TNFRSF19: variants seen among roughly 807,000 people sequenced by gnomAD.
TNFRSF19 encodes the protein tumor necrosis factor receptor superfamily member 19.
A neutral mutation model predicts 46.4 loss-of-function variants in TNFRSF19; 27 were observed. The ratio of observed to expected loss-of-function variants is 0.58; its 90% CI spans 0.43 to 0.80. The LOEUF is 0.80. TNFRSF19 is among the 30% of genes least tolerant of loss of function. TNFRSF19 has a pLI of 0.00. For missense variants in TNFRSF19, 511 were observed against 530.8 expected (o/e 0.96, Z 0.37); for synonymous variants, 204 against 205.0 (o/e 1.00, Z 0.04).
At chr13:23,604,118 A>G (rs1202385879) in intron 3 of TNFRSF19, among the ~76,000 whole-genome samples, 1 of 152,122 alleles carries the variant, frequency 6.6e-6, no homozygotes, top group East Asian at 1.9e-4. Flanking sequence ...GAGAATTAAC[A>G]GAAAAACTCC....
chr13:23,665,399 C>A (rs1951610581), intron 7 of TNFRSF19, among the ~76,000 whole-genome samples: 1 of 152,070 alleles, frequency 6.6e-6, no homozygotes, highest in Non-Finnish European at 1.5e-5. Context: ...AGAAATGATC[C>A]CCATGCCAAT....
chr13:23,601,992 C>T lies in TNFRSF19; in HGVS notation c.180+8537C>T, dbSNP rs191329802. On this transcript the variant is annotated intron_variant, in intron 3 of 9. Coordinates refer to ENST00000248484, the MANE Select transcript of TNFRSF19 (RefSeq NM_148957.4). ...AATAAGAAGGCCAAGAAATGGAAAA[C>T]AGTAATATATATGGTAACTATTAGC... 2.4e-3 allele frequency among the ~76,000 whole-genome samples: 365 copies of T among 152,086 alleles called. 1 individual carries two copies. The Middle Eastern group carries it at 0.034, about 14-fold the overall frequency.
At chr13:23,639,634 A>C (rs1882909997) in intron 5 of TNFRSF19, among the ~76,000 whole-genome samples, 1 of 152,136 alleles carries the variant, frequency 6.6e-6, no homozygotes, top group Non-Finnish European at 1.5e-5. Flanking sequence ...TTCCCTAGGT[A>C]GCTCCCCAGC....
intron 2 of TNFRSF19, 45 bp from the exon 3 acceptor site, chr13:23,593,300 T>A (rs1879448847): frequency 3.2e-6 from 4 of 1,243,148 alleles, no homozygotes; most frequent in East Asian, 5.0e-5. Context: ...AAAAAAAATG[T>A]TTAACATACT....
At chr13:23,637,769 T>C (rs1014232685) in intron 5 of TNFRSF19, among the ~76,000 whole-genome samples, 2 of 152,254 alleles carry the variant, frequency 1.3e-5, no homozygotes, top group African/African-American at 4.8e-5. Flanking sequence ...ATAAGAGTTA[T>C]CCACTGATGA....
rs77771243 is a variant in TNFRSF19 at position 23,636,769 on chromosome 13, G to A, written c.445+9977G>A. On this transcript the variant is annotated intron_variant, in intron 5 of 9. Coordinates refer to ENST00000248484, the MANE Select transcript of TNFRSF19 (RefSeq NM_148957.4). ...TATGAAGATACATTTAACTTCCCTC[G>A]GACTCCTGTTGGAAGTAGAGTTGAG... Among the ~76,000 whole-genome samples the A allele has an allele frequency of 4.6e-5, 7 of 152,182 alleles. No individual in the cohort carries two copies. In the East Asian group the frequency reaches 7.7e-4, roughly 17 times the overall value.
chr13:23,587,821 A>G lies in TNFRSF19; in HGVS notation c.-34-2329A>G, dbSNP rs770761171. Among the ~76,000 whole-genome samples, 4 of 152,174 alleles carry G rather than the reference A, an allele frequency of 2.6e-5. No homozygotes were observed. In the East Asian group the frequency reaches 5.8e-4, roughly 22 times the overall value. On this transcript the variant is annotated intron_variant, in intron 1 of 9. Transcript: ENST00000248484. ...AGTGTGGTAGAAAGGAGAAAAAGCT[A>G]TCCTTTTTTAAAGCATTAGCACAGT...
chr13:23,668,757 G>C lies in TNFRSF19; in HGVS notation c.905G>C (p.Gly302Ala), dbSNP rs1188519233. ...FFGSLTQSIC[G>A]EFSDAWPLMQ... ...GGATCCCTCACGCAGTCCATCTGTG[G>C]CGAGTTTTCAGATGCCTGGCCTCTG... Residue 302 changes from glycine (G) to alanine (A), a missense_variant, in exon 9 of 10, where the codon GGC becomes GCC. Physicochemically the swap from Gly to Ala is moderately conservative, Grantham distance 60. Coordinates refer to ENST00000248484, the MANE Select transcript of TNFRSF19 (RefSeq NM_148957.4). 1 of 1,614,122 alleles carries C rather than the reference G, an allele frequency of 6.2e-7. No homozygotes were observed. The highest frequency in any genetic ancestry group is 1.3e-5 in the African/African-American group (1 of 74,936).
intron 9 of TNFRSF19, among the ~76,000 whole-genome samples, chr13:23,671,181 T>G (rs780378404): frequency 1.3e-5 from 2 of 152,194 alleles, no homozygotes; most frequent in Non-Finnish European, 2.9e-5. Context: ...CTAACTCTTT[T>G]TCAAAGACAT....
At chr13:23,574,164 AC>A (rs1202455166) in intron 1 of TNFRSF19, among the ~76,000 whole-genome samples, 3 of 152,250 alleles carry the variant, frequency 2.0e-5, no homozygotes, top group Non-Finnish European at 2.9e-5. Flanking sequence ...TCATGGCCAA[AC>A]AACTGCCCTC....
At chr13:23,642,781 A>G (rs956001275) in intron 5 of TNFRSF19, among the ~76,000 whole-genome samples, 1 of 152,214 alleles carries the variant, frequency 6.6e-6, no homozygotes, top group Non-Finnish European at 1.5e-5. Context: ...CAATGCTTTC[A>G]GTTTTAGTAT....
intron 4 of TNFRSF19, among the ~76,000 whole-genome samples, chr13:23,622,369 A>G (rs1319782895): frequency 6.6e-6 from 1 of 152,104 alleles, no homozygotes; most frequent in African/African-American, 2.4e-5. Context: ...AGATCATGCC[A>G]CTGCACTCCA....
intron 3 of TNFRSF19, chr13:23,594,338 A>G: frequency 2.2e-6 from 1 of 445,896 alleles, no homozygotes. Flanking sequence ...GAGCCCAGCA[A>G]GCTAAGATCC....
At chr13:23,618,297 CAAT>C (rs1881440465) in intron 4 of TNFRSF19, among the ~76,000 whole-genome samples, 1 of 151,974 alleles carries the variant, frequency 6.6e-6, no homozygotes, top group African/African-American at 2.4e-5. Context: ...TCTTACAACT[CAAT>C]AATAAAAAGA....
chr13:23,593,173 C>T (rs554332358), intron 2 of TNFRSF19, among the ~76,000 whole-genome samples, 172 bp from the exon 3 acceptor site: 1 of 152,130 alleles, frequency 6.6e-6, no homozygotes, highest in South Asian at 2.1e-4. Flanking sequence ...TTAGTTGTTC[C>T]ACTGACTTAT....
chr13:23,647,126 T>C (rs932815531), intron 5 of TNFRSF19, among the ~76,000 whole-genome samples: 1 of 152,164 alleles, frequency 6.6e-6, no homozygotes, highest in Non-Finnish European at 1.5e-5. Flanking sequence ...TTGAATTTGT[T>C]TGTCTGTTTT....
intron 7 of TNFRSF19, among the ~76,000 whole-genome samples, chr13:23,667,608 C>T (rs1951664355): frequency 6.6e-6 from 1 of 152,150 alleles, no homozygotes; most frequent in Non-Finnish European, 1.5e-5. Flanking sequence ...TTCAAGTGTG[C>T]AGTTCAGTGG....
At chr13:23,596,648 A>G (rs1879752358) in intron 3 of TNFRSF19, among the ~76,000 whole-genome samples, 1 of 152,170 alleles carries the variant, frequency 6.6e-6, no homozygotes, top group South Asian at 2.1e-4. Flanking sequence ...CCACACAATA[A>G]TAGTGGGAGA....
chr13:23,636,049 G>A (rs986387514), intron 5 of TNFRSF19, among the ~76,000 whole-genome samples: 2 of 152,128 alleles, frequency 1.3e-5, no homozygotes, highest in Non-Finnish European at 2.9e-5. Flanking sequence ...CCTCAGAGGG[G>A]TCCGTTAGTG....
Sources: allele counts gnomAD v4.1 joint callset (sites outside exome capture counted in the v4.1 genomes callset), GRCh38; gene constraint gnomAD v4.1.1; transcripts MANE v1.5; gene names NCBI Gene and HGNC (gene_info 2026-07-23, HGNC 2026-07-21).